Variants in MYO1H observed in about 807,000 individuals in gnomAD.
MYO1H encodes the protein unconventional myosin-Ih.
Under a neutral mutation model 149.3 loss-of-function variants are expected in MYO1H, and 118 were observed. That is an observed-to-expected ratio of 0.79 (90% CI 0.68 to 0.92). The LOEUF is 0.92. Ranked by LOEUF, MYO1H falls within the 40% of genes least tolerant of loss-of-function variation. The probability of loss-of-function intolerance (pLI) is 0.00; values close to 1 mark genes in which losing one functional copy is unlikely to be tolerated. For missense variants in MYO1H, 1,212 were observed against 1,280.7 expected (o/e 0.95, Z 0.82); for synonymous variants, 447 against 465.2 (o/e 0.96, Z 0.50).
intron 23 of MYO1H, 124 bp from the exon 24 acceptor site, chr12:109,439,507 G>A: frequency 1.0e-6 from 1 of 957,432 alleles, no homozygotes; most frequent in South Asian, 1.7e-5. Context: ...TTGGCCTCTG[G>A]CCTATGTGGT....
At chr12:109,339,501 C>G in the MYO1H span, among the ~76,000 whole-genome samples, 1 of 152,172 alleles carries the variant, frequency 6.6e-6, no homozygotes, top group Non-Finnish European at 1.5e-5. Context: ...GAAAAAACTT[C>G]TGACAAAATT....
intron 24 of MYO1H, among the ~76,000 whole-genome samples, 165 bp downstream of exon 24, chr12:109,439,955 C>T (rs1195616493): frequency 6.6e-6 from 1 of 152,118 alleles, no homozygotes; most frequent in Non-Finnish European, 1.5e-5. Context: ...TCAGAATTTG[C>T]GATGTCCTTA....
At chr12:109,356,993 G>A (rs1254787957) in intron 1 of MYO1H, 12 of 152,154 alleles carry the variant, frequency 7.9e-5, no homozygotes, top group Admixed American at 7.9e-4. Flanking sequence ...TTCTTGATGT[G>A]TGTTTGGTTT....
At position 109,443,274 on chromosome 12, in the gene MYO1H, GTATATGTGTACGTATATATGTGTGTA is replaced by G. The variant is rs1566045315; in HGVS notation, c.2689-212_2689-187del. ...TGTATATGTGTACGTATATGTGTGT[GTATATGTGTACGTATATATGTGTGTA>G]TATATGTGTACGTATATATGTGTGT... On this transcript the variant is annotated intron_variant, in intron 27 of 31. Coordinates refer to ENST00000310903, the Ensembl canonical transcript of MYO1H. Among the ~76,000 whole-genome samples the G allele has an allele frequency of 1.6e-3, 90 of 56,190 alleles. 16 individuals are homozygous for G. Among genetic ancestry groups the G allele is most frequent in the African/African-American group, 1.9e-3 (22 of 11,882 alleles). The allele number at this position is 56,190 out of a possible 152,430, so 36.9% of individuals were successfully genotyped here.
chr12:109,445,496 A>C lies in MYO1H; in HGVS notation c.2994-17A>C. On this transcript the variant is annotated splice_polypyrimidine_tract_variant and intron_variant, in intron 30 of 31. Coordinates refer to ENST00000310903, the Ensembl canonical transcript of MYO1H. ...AAATACAGTATGTCAGTAATGTGTC[A>C]CTTTGTGTATTTTAAGTTTACAGTT... is the stretch of plus-strand genomic sequence containing the variant. 6.3e-7 allele frequency: 1 copy of C among 1,576,682 alleles called. No individual in the cohort carries two copies. The highest frequency in any genetic ancestry group is 8.7e-7 in the Non-Finnish European group (1 of 1,149,650).
At chr12:109,419,216 A>T (rs1036407611) in intron 15 of MYO1H, among the ~76,000 whole-genome samples, 5 of 146,340 alleles carry the variant, frequency 3.4e-5, no homozygotes, top group Admixed American at 2.1e-4. Context: ...ACACACACAC[A>T]CTCACTCATA....
At chr12:109,322,872 G>A in the MYO1H span, among the ~76,000 whole-genome samples, 12 of 150,328 alleles carry the variant, frequency 8.0e-5, no homozygotes, top group Admixed American at 8.0e-4. Context: ...ACTTTAGGAG[G>A]CCGAGGCAGG....
At chr12:109,343,549 A>G (rs1297438996), upstream of MYO1H, among the ~76,000 whole-genome samples, 1 of 152,188 alleles carries the variant, frequency 6.6e-6, no homozygotes, top group African/African-American at 2.4e-5. Flanking sequence ...TTTTCTACAG[A>G]CACCTAGGTA....
chr12:109,326,486 ATATTT>A, the MYO1H span, among the ~76,000 whole-genome samples: 7,756 of 137,354 alleles, frequency 0.056, 327 homozygotes, highest in African/African-American at 0.11. Flanking sequence ...CCTTTTTTTT[ATATTT>A]TATTTTATTT....
chr12:109,420,597 G>T (rs4417365), intron 15 of MYO1H, among the ~76,000 whole-genome samples: 27,199 of 152,058 alleles, frequency 0.18, 2,884 homozygotes, highest in African/African-American at 0.29. Context: ...CAGCGAGGGG[G>T]ACATCTGTCC....
chr12:109,344,468 T>C (rs182935513), upstream of MYO1H, among the ~76,000 whole-genome samples: 1 of 152,256 alleles, frequency 6.6e-6, no homozygotes, highest in Admixed American at 6.5e-5. Flanking sequence ...TAAAGTGTCA[T>C]TGAAAGAAAT....
In MYO1H at chr12:109,409,637, A is replaced by C. The variant is rs181664035; in HGVS notation, c.1223+13A>C. 1 of 1,593,540 alleles carries C rather than the reference A, an allele frequency of 6.3e-7. No homozygotes were observed. The highest frequency in any genetic ancestry group is 1.3e-5 in the African/African-American group (1 of 74,530). ...TTGACAAGAATGGGTATGTTTTGTC[A>C]TTACCTACCTATCTGTCTTTTGCCC... On this transcript the variant is annotated intron_variant, in intron 11 of 31. Coordinates refer to ENST00000310903, the Ensembl canonical transcript of MYO1H.
intron 1 of MYO1H, among the ~76,000 whole-genome samples, chr12:109,366,007 A>G (rs1868858300): frequency 6.6e-6 from 1 of 152,142 alleles, no homozygotes; most frequent in African/African-American, 2.4e-5. Context: ...TCTAGGTTGA[A>G]CACTCCTTAT....
intron 1 of MYO1H, among the ~76,000 whole-genome samples, chr12:109,361,369 T>C (rs1357208535): frequency 2.0e-5 from 3 of 152,174 alleles, no homozygotes; most frequent in Non-Finnish European, 4.4e-5. Flanking sequence ...TATTTGGATT[T>C]TCGTGACTCG....
chr12:109,434,948 T>C (rs1871794491), intron 20 of MYO1H, 89 bp from the exon 21 acceptor site: 1 of 714,112 alleles, frequency 1.4e-6, no homozygotes, highest in Admixed American at 2.9e-5. Context: ...AGGTTCTGAG[T>C]GGAAATGAAT....
At chr12:109,375,078 C>T (rs1869062040) in intron 1 of MYO1H, among the ~76,000 whole-genome samples, 2 of 151,718 alleles carry the variant, frequency 1.3e-5, no homozygotes, top group Admixed American at 6.6e-5. Context: ...TGGTCTCAAA[C>T]TCCTGACCTA....
At chr12:109,389,092 G>A (rs745314817) in intron 2 of MYO1H, among the ~76,000 whole-genome samples, 58 of 152,054 alleles carry the variant, frequency 3.8e-4, no homozygotes, top group Admixed American at 7.2e-4. Flanking sequence ...GTAGGTCCCG[G>A]GACTAGATCT....
intron 15 of MYO1H, among the ~76,000 whole-genome samples, chr12:109,416,727 G>A (rs1187578139): frequency 6.6e-6 from 1 of 152,114 alleles, no homozygotes; most frequent in South Asian, 2.1e-4. Context: ...GATGGCTCAC[G>A]CCTGTAATCC....
chr12:109,409,685 T>C, intron 11 of MYO1H, 61 bp downstream of exon 11: 3 of 1,350,204 alleles, frequency 2.2e-6, no homozygotes, highest in Non-Finnish European at 3.2e-6. Flanking sequence ...TCAGTCGAGA[T>C]TTAAATCTTT....
Sources: gnomAD v4.1 joint callset for allele counts (sites outside exome capture counted in the v4.1 genomes callset) on GRCh38, gnomAD v4.1.1 for gene constraint, MANE v1.5 for transcripts, NCBI Gene and HGNC (gene_info 2026-07-23, HGNC 2026-07-21) for gene names.